FMN2: variants seen among roughly 807,000 people sequenced by gnomAD.
FMN2 encodes formin 2.
Under a neutral mutation model 142.3 loss-of-function variants are expected in FMN2, and 51 were observed. The observed-to-expected ratio is 0.36, with a 90% confidence interval of 0.29 to 0.45. The LOEUF (loss-of-function observed/expected upper bound fraction) is 0.45, where lower values mean the gene tolerates loss of function less well. Among genes scored for constraint, FMN2 ranks in the 20% least tolerant of loss-of-function variants. FMN2 has a pLI of 1.00. For missense variants in FMN2, 1,936 were observed against 2,122.8 expected (o/e 0.91, Z 1.73); for synonymous variants, 882 against 869.8 (o/e 1.01, Z -0.25).
At chr1:240,257,678 C>T (rs1182181427) in intron 6 of FMN2, among the ~76,000 whole-genome samples, 1 of 152,056 alleles carries the variant, frequency 6.6e-6, no homozygotes. Flanking sequence ...TACTTGTTGA[C>T]AGATCAGGCT....
At chr1:240,165,447 C>T (rs1449102125) in intron 2 of FMN2, among the ~76,000 whole-genome samples, 3 of 151,144 alleles carry the variant, frequency 2.0e-5, no homozygotes, top group Non-Finnish European at 4.4e-5. Flanking sequence ...AAAGTGTTGG[C>T]ATGACTGGCA....
intron 2 of FMN2, among the ~76,000 whole-genome samples, chr1:240,138,033 C>T (rs1227612511): frequency 2.0e-5 from 3 of 147,180 alleles, no homozygotes; most frequent in Non-Finnish European, 4.5e-5. Flanking sequence ...CCACTGCACT[C>T]CAGCCTGGGT....
At chr1:240,144,324 G>A in intron 2 of FMN2, 1 of 1,606,504 alleles carries the variant, frequency 6.2e-7, no homozygotes, top group African/African-American at 1.3e-5. Context: ...TTCTCTAGGT[G>A]GGTTTTGTAG....
intron 14 of FMN2, among the ~76,000 whole-genome samples, chr1:240,360,002 T>C (rs1672407189): frequency 6.6e-6 from 1 of 152,220 alleles, no homozygotes; most frequent in African/African-American, 2.4e-5. Context: ...CTCATCTCTT[T>C]GCTTTCTCCA....
At chr1:240,258,361 C>T (rs1335030934) in intron 7 of FMN2, among the ~76,000 whole-genome samples, 2 of 152,088 alleles carry the variant, frequency 1.3e-5, no homozygotes, top group Non-Finnish European at 2.9e-5. Context: ...GCTGAAAGTT[C>T]GAGATCAGGG....
At chr1:240,292,525 CT>C (rs1669829939) in intron 7 of FMN2, among the ~76,000 whole-genome samples, 1 of 152,092 alleles carries the variant, frequency 6.6e-6, no homozygotes, top group African/African-American at 2.4e-5. Flanking sequence ...AGTGTAATCC[CT>C]GATGTATAGG....
chr1:240,315,412 A>G (rs1330218662), intron 8 of FMN2, among the ~76,000 whole-genome samples: 1 of 152,204 alleles, frequency 6.6e-6, no homozygotes, highest in East Asian at 1.9e-4. Flanking sequence ...CTGAAATTTA[A>G]CTGGGCAATA....
chr1:240,433,708 G>C (rs1675257981), intron 15 of FMN2, among the ~76,000 whole-genome samples: 1 of 152,160 alleles, frequency 6.6e-6, no homozygotes, highest in South Asian at 2.1e-4. Context: ...CCCTTTTCAG[G>C]AATACCTTTT....
intron 2 of FMN2, among the ~76,000 whole-genome samples, chr1:240,140,239 G>T (rs1187567682): frequency 6.6e-6 from 1 of 152,090 alleles, no homozygotes; most frequent in Admixed American, 6.5e-5. Flanking sequence ...ACTGTTTTCA[G>T]TATTTAAAAA....
intron 6 of FMN2, among the ~76,000 whole-genome samples, chr1:240,215,944 G>A (rs1177568544): frequency 6.6e-6 from 1 of 151,818 alleles, no homozygotes; most frequent in African/African-American, 2.4e-5. Flanking sequence ...CCTGACCTCA[G>A]GTGATCCGTC....
intron 16 of FMN2, among the ~76,000 whole-genome samples, chr1:240,449,337 T>A (rs1675927786): frequency 6.6e-6 from 1 of 152,122 alleles, no homozygotes; most frequent in Non-Finnish European, 1.5e-5. Context: ...CCCCACTCCA[T>A]GGCCTTCTGA....
At chr1:240,187,812 G>A (rs747645279) in intron 3 of FMN2, among the ~76,000 whole-genome samples, 11 of 152,100 alleles carry the variant, frequency 7.2e-5, no homozygotes, top group Non-Finnish European at 1.6e-4. Context: ...GTTAGATGAG[G>A]CTTTTGAGCT....
intron 15 of FMN2, among the ~76,000 whole-genome samples, chr1:240,427,452 G>A (rs1463869418): frequency 2.6e-5 from 4 of 151,996 alleles, no homozygotes; most frequent in African/African-American, 4.8e-5. Context: ...TGATCTGCCC[G>A]CCTCGGCCTC....
chr1:240,194,039 T>G (rs1430316858), intron 4 of FMN2, among the ~76,000 whole-genome samples: 2 of 152,092 alleles, frequency 1.3e-5, no homozygotes, highest in African/African-American at 4.8e-5. Flanking sequence ...TTTGTTTTGT[T>G]TTGTTTTTGT....
chr1:240,451,243 G>A lies in FMN2; in HGVS notation c.5060+13033G>A, dbSNP rs916206301. Among the ~76,000 whole-genome samples the A allele has an allele frequency of 3.3e-5, 5 of 151,418 alleles. No homozygotes were observed. The East Asian group carries it at 7.8e-4, about 24-fold the overall frequency. ...TAGCTGGGCGCGGTGGTGGGTACCT[G>A]TAATCCTCATGAGGCTGAGGCAGGG... On this transcript the variant is annotated intron_variant, in intron 16 of 17. Coordinates refer to ENST00000319653, the MANE Select transcript of FMN2 (RefSeq NM_020066.5).
At chr1:240,413,732 A>T (rs1308915897) in intron 15 of FMN2, among the ~76,000 whole-genome samples, 1 of 152,164 alleles carries the variant, frequency 6.6e-6, no homozygotes, top group African/African-American at 2.4e-5. Flanking sequence ...ATCATAGGAG[A>T]TGGGCCCTGT....
Position 240,399,987 on chromosome 1 carries a change from C to T in FMN2, c.4910+7425C>T, listed in dbSNP as rs147146557. The stretch of plus-strand genomic sequence containing the variant: ...TTGAGAAGGCAGATTTTGTTTGGAA[C>T]AGAACATGAAGAATTTCATACCTAA... On this transcript the variant is annotated intron_variant, in intron 15 of 17. Coordinates refer to ENST00000319653, the MANE Select transcript of FMN2 (RefSeq NM_020066.5). Among the ~76,000 whole-genome samples the T allele has an allele frequency of 4.7e-4, 72 of 152,270 alleles. 1 individual carries two copies. Among genetic ancestry groups the T allele is most frequent in the African/African-American group, 1.6e-3 (65 of 41,554 alleles).
rs764965071 is a variant in FMN2 at position 240,355,834 on chromosome 1, G to A, written c.4784G>A (p.Gly1595Glu). 3 of 1,611,674 alleles carry A rather than the reference G, an allele frequency of 1.9e-6. No individual in the cohort carries two copies. Among genetic ancestry groups the A allele is most frequent in the South Asian group, 1.1e-5 (1 of 90,864 alleles). The change falls in exon 14 of 18, where the codon GGG becomes GAG. Residue 1595 changes from glycine to glutamate, a missense_variant. Around this residue, in one of 8 missense-constraint regions of FMN2, gnomAD observed 322 missense variants for 401.6 expected, o/e 0.80. Coordinates refer to ENST00000319653, the MANE Select transcript of FMN2 (RefSeq NM_020066.5). ...KDLKACEVEAGKVYQVSSKEH... is the reference protein window; with the variant it reads ...KDLKACEVEAEKVYQVSSKEH... ...ATTTCAGCCTGTGAAGTTGAAGCAG[G>A]GAAAGTATACCAGGTCTCCTCAAAA...
At chr1:240,169,844 T>C (rs907725869) in intron 2 of FMN2, among the ~76,000 whole-genome samples, 14 of 152,290 alleles carry the variant, frequency 9.2e-5, no homozygotes, top group African/African-American at 3.4e-4. Flanking sequence ...TTTTTATTTT[T>C]AATATTTTTT....
Sources: allele counts gnomAD v4.1 joint callset (sites outside exome capture counted in the v4.1 genomes callset), GRCh38; gene constraint gnomAD v4.1.1; regional missense constraint gnomAD v4.1.1; transcripts MANE v1.5; gene names NCBI Gene and HGNC (gene_info 2026-07-23, HGNC 2026-07-21).